NYAP2: variants seen among roughly 807,000 people sequenced by gnomAD.
NYAP2 encodes neuronal tyrosine-phosphorylated phosphoinositide-3-kinase adapter 2.
In NYAP2, 23 loss-of-function variants were observed where a neutral mutation model predicts 50.4. The ratio of observed to expected loss-of-function variants is 0.46; its 90% CI spans 0.33 to 0.65. The LOEUF (loss-of-function observed/expected upper bound fraction) is 0.65, where lower values mean the gene tolerates loss of function less well. Among genes scored for constraint, NYAP2 ranks in the 30% least tolerant of loss-of-function variants. NYAP2 has a pLI of 0.02. For missense variants in NYAP2, 885 were observed against 861.0 expected (o/e 1.03, Z -0.35); for synonymous variants, 394 against 365.2 (o/e 1.08, Z -0.90).
intron 4 of NYAP2, among the ~76,000 whole-genome samples, chr2:225,577,543 A>G (rs900621066): frequency 6.6e-6 from 1 of 152,116 alleles, no homozygotes; most frequent in African/African-American, 2.4e-5. Flanking sequence ...TACTTTTCTT[A>G]TATAGATACA....
intron 3 of NYAP2, among the ~76,000 whole-genome samples, chr2:225,429,841 G>A (rs554102766): frequency 6.6e-6 from 1 of 152,258 alleles, no homozygotes. Context: ...AGGAAAAAAA[G>A]CATCAGTTGC....
At chr2:225,529,600 C>G (rs114681053) in intron 4 of NYAP2, among the ~76,000 whole-genome samples, 1,691 of 152,326 alleles carry the variant, frequency 0.011, 19 homozygotes, top group Middle Eastern at 0.02. Context: ...GCTGGGAAGA[C>G]AGGCATGAAC....
the NYAP2 span, among the ~76,000 whole-genome samples, chr2:225,691,268 A>T: frequency 2.0e-5 from 3 of 152,010 alleles, no homozygotes; most frequent in Admixed American, 1.3e-4. Context: ...CTCTATCCTG[A>T]CTACTCGATT....
chr2:225,522,712 A>G (rs1333635578), intron 4 of NYAP2, among the ~76,000 whole-genome samples: 1 of 152,122 alleles, frequency 6.6e-6, no homozygotes, highest in Non-Finnish European at 1.5e-5. Flanking sequence ...GTTGCTTACA[A>G]ACAGTTTTGG....
Position 225,591,716 on chromosome 2 carries a change from G to A in NYAP2, c.1618+8681G>A, listed in dbSNP as rs188011559. On this transcript the variant is annotated intron_variant, in intron 5 of 6. Transcript: ENST00000636099. ...TCTGGGATTCGAACCCCGATTATTT[G>A]GCTCTAGAGTTTCTTCGATTTAATG... 2.9e-3 allele frequency among the ~76,000 whole-genome samples: 435 copies of A among 152,182 alleles called. 1 individual carries two copies. Among genetic ancestry groups the A allele is most frequent in the Non-Finnish European group, 2.4e-3 (164 of 68,010 alleles).
Position 225,409,010 on chromosome 2 carries a change from C to T in NYAP2, c.130C>T (p.Arg44Ter), listed in dbSNP as rs757954453. ...TATTCAGAATGCGTCAGATATTGCTCGAGAGAATGATCGCTTGAGAAATGA... is the reference window on the plus strand; with the variant it reads ...TATTCAGAATGCGTCAGATATTGCTTGAGAGAATGATCGCTTGAGAAATGA... Residue 44 changes from arginine (R) to a stop codon, truncating the protein, a stop_gained, in exon 3 of 7, where the codon CGA becomes TGA. Transcript: ENST00000636099. LOFTEE classifies it high-confidence loss of function. The T allele has an allele frequency of 1.2e-6, 2 of 1,612,278 alleles. No individual in the cohort carries two copies. Among genetic ancestry groups the T allele is most frequent in the Non-Finnish European group, 8.5e-7 (1 of 1,178,890 alleles).
chr2:225,509,878 A>G (rs148041027), intron 3 of NYAP2, among the ~76,000 whole-genome samples: 312 of 152,332 alleles, frequency 2.0e-3, no homozygotes, highest in African/African-American at 7.1e-3. Context: ...AGGAATATGC[A>G]TCCCCATATA....
exon 7 of NYAP2, chr2:225,652,936 A>G (rs1244465230): frequency 2.0e-5 from 3 of 152,196 alleles, no homozygotes; most frequent in African/African-American, 7.2e-5. Flanking sequence ...TCTCAAGGGT[A>G]TCTCAAGTAC....
chr2:225,622,980 C>T (rs934375562), intron 5 of NYAP2, among the ~76,000 whole-genome samples: 1 of 152,190 alleles, frequency 6.6e-6, no homozygotes, highest in African/African-American at 2.4e-5. Flanking sequence ...TTTGGATCAG[C>T]TTTACCATCT....
the NYAP2 span, among the ~76,000 whole-genome samples, chr2:225,679,346 A>G: frequency 1.3e-5 from 2 of 152,158 alleles, no homozygotes; most frequent in Admixed American, 6.6e-5. Context: ...ATTTGCAACA[A>G]TATTACCTAC....
intron 3 of NYAP2, among the ~76,000 whole-genome samples, chr2:225,436,758 A>AG (rs796660683): frequency 0.033 from 4,661 of 141,676 alleles, 102 homozygotes; most frequent in East Asian, 0.045. Flanking sequence ...AAAAAAAAAA[A>AG]AGAGAGAAGA....
chr2:225,529,107 T>C (rs1318270088), intron 4 of NYAP2, among the ~76,000 whole-genome samples: 1 of 152,194 alleles, frequency 6.6e-6, no homozygotes, highest in Non-Finnish European at 1.5e-5. Flanking sequence ...TAATAATTAC[T>C]AGGATTTTCT....
chr2:225,540,205 G>T (rs187948960), intron 4 of NYAP2, among the ~76,000 whole-genome samples: 1 of 152,202 alleles, frequency 6.6e-6, no homozygotes, highest in East Asian at 1.9e-4. Flanking sequence ...TCCAACCTCT[G>T]CCTGTTACCC....
At chr2:225,684,309 C>T in the NYAP2 span, among the ~76,000 whole-genome samples, 2 of 151,836 alleles carry the variant, frequency 1.3e-5, no homozygotes, top group Non-Finnish European at 2.9e-5. Flanking sequence ...GTGGAGATCA[C>T]AATTGGGATT....
intron 3 of NYAP2, among the ~76,000 whole-genome samples, chr2:225,415,352 G>T (rs1449274201): frequency 6.6e-6 from 1 of 152,114 alleles, no homozygotes; most frequent in Non-Finnish European, 1.5e-5. Context: ...GAAAATATTT[G>T]TTTTTCCTTT....
chr2:225,486,713 A>G (rs377225787), intron 3 of NYAP2, among the ~76,000 whole-genome samples: 3 of 152,180 alleles, frequency 2.0e-5, no homozygotes, highest in East Asian at 1.9e-4. Flanking sequence ...ATCAGGGCCT[A>G]CTTTGTAGGT....
At chr2:225,658,304 A>G (rs1693860281), downstream of NYAP2, among the ~76,000 whole-genome samples, 1 of 152,166 alleles carries the variant, frequency 6.6e-6, no homozygotes, top group Non-Finnish European at 1.5e-5. Flanking sequence ...CCCTAAGAGG[A>G]GGTCTTGGAA....
intron 4 of NYAP2, among the ~76,000 whole-genome samples, chr2:225,537,473 G>C (rs1691371926): frequency 1.3e-5 from 2 of 152,142 alleles, no homozygotes; most frequent in Non-Finnish European, 2.9e-5. Flanking sequence ...CTCACTTGGT[G>C]GCAGATAAGA....
At chr2:225,575,265 A>G (rs935283471) in intron 4 of NYAP2, among the ~76,000 whole-genome samples, 8 of 152,124 alleles carry the variant, frequency 5.3e-5, no homozygotes, top group South Asian at 2.1e-4. Context: ...TCTCCTCACT[A>G]TCCTTCAGGC....
Sources: gnomAD v4.1 joint callset for allele counts (sites outside exome capture counted in the v4.1 genomes callset) on GRCh38, gnomAD v4.1.1 for gene constraint, MANE v1.5 for transcripts, NCBI Gene and HGNC (gene_info 2026-07-23, HGNC 2026-07-21) for gene names.